The following SNX29 variants were observed in gnomAD, a reference collection of about 807,000 sequenced individuals.
The protein encoded by SNX29 is sorting nexin-29.
SNX29 carries 78 observed loss-of-function variants against 102.1 expected under a neutral mutation model. The observed-to-expected ratio is 0.76, with a 90% CI of 0.64 to 0.92. The LOEUF (loss-of-function observed/expected upper bound fraction) is 0.92, where lower values mean the gene tolerates loss of function less well. Among genes scored for constraint, SNX29 ranks in the 40% least tolerant of loss-of-function variants. SNX29 has a pLI of 0.00. For missense variants in SNX29, 1,280 were observed against 1,061.7 expected (o/e 1.21, Z -2.86); for synonymous variants, 580 against 414.5 (o/e 1.40, Z -4.85).
chr16:12,545,814 G>A (rs2077572111), intron 20 of SNX29, among the ~76,000 whole-genome samples: 1 of 152,080 alleles, frequency 6.6e-6, no homozygotes, highest in South Asian at 2.1e-4. Flanking sequence ...CCTCCCTACT[G>A]ACTCTCCAGA....
intron 13 of SNX29, among the ~76,000 whole-genome samples, chr16:12,134,165 C>CA (rs770180061): frequency 2.6e-5 from 4 of 152,168 alleles, no homozygotes; most frequent in Non-Finnish European, 5.9e-5. Flanking sequence ...CACACATTTA[C>CA]AGGAGGAAAA....
intron 15 of SNX29, among the ~76,000 whole-genome samples, chr16:12,331,158 C>T (rs2081281588): frequency 6.6e-6 from 1 of 151,822 alleles, no homozygotes; most frequent in African/African-American, 2.4e-5. Context: ...GGCCCTTCTC[C>T]AGAGAGAGCT....
chr16:12,167,126 G>A (rs2076034539), intron 13 of SNX29, among the ~76,000 whole-genome samples: 1 of 152,190 alleles, frequency 6.6e-6, no homozygotes, highest in East Asian at 1.9e-4. Flanking sequence ...TGGCTGAACC[G>A]AGTATATTGC....
chr16:12,043,875 C>T (rs1351209805), intron 5 of SNX29, among the ~76,000 whole-genome samples: 2 of 152,142 alleles, frequency 1.3e-5, no homozygotes, highest in Non-Finnish European at 2.9e-5. Context: ...GCCTCAGCCT[C>T]CTGAGTAGCT....
At chr16:12,085,584 C>T (rs975130827) in intron 11 of SNX29, among the ~76,000 whole-genome samples, 9 of 152,222 alleles carry the variant, frequency 5.9e-5, no homozygotes, top group African/African-American at 1.9e-4. Context: ...GCCTCGGCCT[C>T]CCAAAGTGGT....
chr16:12,537,809 G>T (rs780858852), intron 20 of SNX29, among the ~76,000 whole-genome samples: 4 of 152,030 alleles, frequency 2.6e-5, no homozygotes, highest in Non-Finnish European at 5.9e-5. Context: ...TATCAGAGAG[G>T]TGTGTCCACA....
chr16:12,007,874 C>A (rs141560456), intron 3 of SNX29, among the ~76,000 whole-genome samples: 177 of 152,364 alleles, frequency 1.2e-3, no homozygotes, highest in African/African-American at 4.0e-3. Context: ...AGCCTGGAGG[C>A]CTCACATGCC....
At chr16:12,031,730 G>T (rs1425626507) in intron 4 of SNX29, among the ~76,000 whole-genome samples, 1 of 152,020 alleles carries the variant, frequency 6.6e-6, no homozygotes, top group African/African-American at 2.4e-5. Context: ...GTGTGAACCC[G>T]GGAGGCGGAG....
At chr16:12,502,492 G>C (rs1190592885) in intron 19 of SNX29, among the ~76,000 whole-genome samples, 1 of 152,132 alleles carries the variant, frequency 6.6e-6, no homozygotes, top group Non-Finnish European at 1.5e-5. Flanking sequence ...AATGCCCTTT[G>C]AATGCCACCC....
At chr16:12,389,490 G>A (rs1037701509) in intron 16 of SNX29, among the ~76,000 whole-genome samples, 1 of 152,122 alleles carries the variant, frequency 6.6e-6, no homozygotes, top group African/African-American at 2.4e-5. Flanking sequence ...GATGTGACTT[G>A]CTCTTCCTTG....
At chr16:12,334,523 A>C (rs558415545) in intron 15 of SNX29, among the ~76,000 whole-genome samples, 1 of 152,310 alleles carries the variant, frequency 6.6e-6, no homozygotes, top group East Asian at 1.9e-4. Context: ...TCTGATGACA[A>C]AGTATCCTTC....
chr16:12,188,655 C>T (rs1027387904), intron 13 of SNX29, among the ~76,000 whole-genome samples: 1 of 152,094 alleles, frequency 6.6e-6, no homozygotes, highest in Non-Finnish European at 1.5e-5. Flanking sequence ...TGGGATTTAC[C>T]AGGTGGCTAA....
chr16:12,437,090 A>G (rs2085572026), intron 18 of SNX29, among the ~76,000 whole-genome samples: 1 of 152,282 alleles, frequency 6.6e-6, no homozygotes, highest in Admixed American at 6.5e-5. Context: ...GCTTAGAATG[A>G]GAGACAGAGA....
chr16:12,541,095 C>G (rs190354994), intron 20 of SNX29, among the ~76,000 whole-genome samples: 59 of 152,284 alleles, frequency 3.9e-4, no homozygotes, highest in Non-Finnish European at 5.7e-4. Flanking sequence ...TGCATCCACT[C>G]CAGGTTTGAA....
chr16:12,549,401 A>G (rs1402562010), intron 20 of SNX29, among the ~76,000 whole-genome samples: 1 of 152,246 alleles, frequency 6.6e-6, no homozygotes, highest in Non-Finnish European at 1.5e-5. Flanking sequence ...AGGCTGAGGC[A>G]GGAGAATCTC....
chr16:12,545,565 A>C (rs1045166195), intron 20 of SNX29: 1 of 152,150 alleles, frequency 6.6e-6, no homozygotes, highest in African/African-American at 2.4e-5. Flanking sequence ...GAAACGTTTG[A>C]GTAGATGGAG....
At chr16:12,438,622 CA>C (rs1340224737) in intron 18 of SNX29, among the ~76,000 whole-genome samples, 1 of 152,226 alleles carries the variant, frequency 6.6e-6, no homozygotes, top group Non-Finnish European at 1.5e-5. Context: ...TCTGTGGTGG[CA>C]AGGATAGCCA....
intron 15 of SNX29, among the ~76,000 whole-genome samples, chr16:12,319,361 G>C (rs191495431): frequency 2.0e-5 from 3 of 152,136 alleles, no homozygotes; most frequent in Non-Finnish European, 2.9e-5. Flanking sequence ...GGGCATGATG[G>C]TGCATACCTG....
At chr16:12,227,501 C>T (rs2077647193) in intron 14 of SNX29, among the ~76,000 whole-genome samples, 1 of 152,190 alleles carries the variant, frequency 6.6e-6, no homozygotes, top group Non-Finnish European at 1.5e-5. Flanking sequence ...ATTCTGTCAA[C>T]ATTTGCTGAG....
Sources: allele counts gnomAD v4.1 joint callset (sites outside exome capture counted in the v4.1 genomes callset), GRCh38; gene constraint gnomAD v4.1.1; transcripts MANE v1.5; gene names NCBI Gene and HGNC (gene_info 2026-07-23, HGNC 2026-07-21).